The following ORC6 variants were observed in gnomAD, a reference collection of about 807,000 sequenced individuals.
ORC6 encodes origin recognition complex subunit 6.
ORC6 carries 31 observed loss-of-function variants against 30.0 expected under a neutral mutation model. The observed-to-expected ratio is 1.03, with a 90% confidence interval of 0.78 to 1.40. The LOEUF (loss-of-function observed/expected upper bound fraction) is 1.40. ORC6 is among the 40% of genes most tolerant of loss of function. ORC6 has a pLI of 0.00. For synonymous variants in ORC6, 136 were observed against 111.2 expected (o/e 1.22, Z -1.40); for missense variants, 340 against 304.3 (o/e 1.12, Z -0.87).
chr16:46,692,304 A>T (rs1966454970), intron 2 of ORC6, 78 bp from the exon 3 acceptor site: 7 of 1,212,384 alleles, frequency 5.8e-6, no homozygotes, highest in Non-Finnish European at 8.5e-6. Flanking sequence ...TATACTGCTT[A>T]TTAAACAAGT....
Position 46,691,079 on chromosome 16 carries a change from C to T in ORC6, c.154C>T (p.Leu52=). The T allele has an allele frequency of 1.2e-6, 2 of 1,614,218 alleles. No individual in the cohort carries two copies. Among genetic ancestry groups the T allele is most frequent in the South Asian group, 1.1e-5 (1 of 91,078 alleles). ...TTETSSAVMC[L]DLAASWMKCP... ...GGAGACCAGCAGTGCAGTCATGTGC[C>T]TGGACCTTGCAGCTTCCTGGATGAA... The change falls in exon 2 of 7, where the codon CTG becomes TTG. Residue 52 remains leucine, a synonymous_variant. Coordinates refer to ENST00000219097, the MANE Select transcript of ORC6 (RefSeq NM_014321.4).
intron 4 of ORC6, chr16:46,693,453 A>T: frequency 1.9e-6 from 1 of 518,432 alleles, no homozygotes; most frequent in Non-Finnish European, 3.5e-6. Flanking sequence ...GTAAGAGATG[A>T]TATCTGTCAT....
chr16:46,697,677 TATA>T lies in ORC6; in HGVS notation c.*97_*99del, dbSNP rs1401392848. 7.4e-7 allele frequency: 1 copy of T among 1,350,204 alleles called. No homozygotes were observed. The highest frequency in any genetic ancestry group is 1.7e-5 in the Admixed American group (1 of 59,184). The allele number at this position is 1,350,204 out of a possible 1,614,324, so 83.6% of individuals were successfully genotyped here. A position where few individuals can be genotyped will look rare whatever the true frequency, so the allele number is the denominator to read the frequency against. ...GGCTTTGGGATTTTGTTTAAACTTT[TATA>T]ATAAGGATCCTAAGACTGTTGCCTT... On this transcript the variant is annotated 3_prime_UTR_variant, in exon 7 of 7. Transcript: ENST00000219097.
At chr16:46,696,166 G>A (rs1966515820) in intron 6 of ORC6, 81 bp downstream of exon 6, 1 of 954,454 alleles carries the variant, frequency 1.0e-6, no homozygotes, top group South Asian at 1.3e-5. Context: ...TTGCCTGACA[G>A]GAGTCCAGTT....
intron 1 of ORC6, among the ~76,000 whole-genome samples, chr16:46,690,257 C>A (rs556641705): frequency 5.5e-4 from 84 of 152,294 alleles, no homozygotes; most frequent in African/African-American, 1.9e-3. Context: ...CCCGCTGAGG[C>A]CGGATTGATG....
chr16:46,695,632 C>G lies in ORC6; in HGVS notation c.520C>G (p.Arg174Gly), dbSNP rs748431795. ...CGGTGTAAAAAAAGCTATATTTGATCGACTGTGTAAACAACTAGAGAAGAT... is the reference window on the plus strand; with the variant it reads ...CGGTGTAAAAAAAGCTATATTTGATGGACTGTGTAAACAACTAGAGAAGAT... ...TSGVKKAIFD[R>G]LCKQLEKIGQ... is the part of the protein sequence containing the mutation. The change falls in exon 5 of 7, where the codon CGA (arginine) becomes GGA (glycine). Residue 174 changes from arginine to glycine, a missense_variant. By Grantham distance (125) the Arg-to-Gly change is moderately radical (BLOSUM62 -2). Transcript: ENST00000219097. 10 of 1,613,364 alleles carry G rather than the reference C, an allele frequency of 6.2e-6. No individual in the cohort carries two copies. Among genetic ancestry groups the G allele is most frequent in the Non-Finnish European group, 8.5e-6 (10 of 1,179,392 alleles).
chr16:46,689,893 G>C (rs763157653), intron 1 of ORC6, 123 bp downstream of exon 1: 4 of 1,409,996 alleles, frequency 2.8e-6, no homozygotes, highest in Admixed American at 5.8e-5. Flanking sequence ...CTGGGGCCGG[G>C]CGGGGTTTAG....
chr16:46,697,455 C>G lies in ORC6; in HGVS notation c.632-3C>G, dbSNP rs1469987017. On this transcript the variant is annotated splice_polypyrimidine_tract_variant and splice_region_variant and intron_variant, in intron 6 of 6. Transcript: ENST00000219097. The stretch of plus-strand genomic sequence containing the variant: ...GAAATTGCTTTTGATAATTTTCTGT[C>G]AGAAATGGAGAAGGTAGAGGAGATG... 1 of 1,610,666 alleles carries G rather than the reference C, an allele frequency of 6.2e-7. No homozygotes were observed. Among genetic ancestry groups the G allele is most frequent in the Non-Finnish European group, 8.5e-7 (1 of 1,177,528 alleles).
At chr16:46,690,916 C>G in intron 1 of ORC6, 75 bp from the exon 2 acceptor site, 1 of 1,498,432 alleles carries the variant, frequency 6.7e-7, no homozygotes, top group Non-Finnish European at 9.3e-7. Context: ...GCTAACCAGG[C>G]TGTATTCATT....
At position 46,691,008 on chromosome 16, in the gene ORC6, T is replaced by TG. The variant is rs762074627; in HGVS notation, c.84dup (p.Arg29AlafsTer42). ...TTAACCAGGAAAGCAGAGGAGTACTTGCGCCTGTCCCGGGTGAAGTGTGTC... is the reference window on the plus strand; with the variant it reads ...TTAACCAGGAAAGCAGAGGAGTACTTGGCGCCTGTCCCGGGTGAAGTGTGTC... On this transcript the variant is annotated frameshift_variant, in exon 2 of 7. Coordinates refer to ENST00000219097, the MANE Select transcript of ORC6 (RefSeq NM_014321.4). LOFTEE classifies it high-confidence loss of function. The TG allele has an allele frequency of 2.5e-6, 4 of 1,614,102 alleles. No homozygotes were observed. The highest frequency in any genetic ancestry group is 2.2e-5 in the East Asian group (1 of 44,894).
chr16:46,696,567 C>T (rs1966519476), intron 6 of ORC6, among the ~76,000 whole-genome samples: 1 of 152,202 alleles, frequency 6.6e-6, no homozygotes, highest in African/African-American at 2.4e-5. Flanking sequence ...CAAAGACAAT[C>T]TCAGGCAAAT....
rs1421953779 is a variant in ORC6 at position 46,694,466 on chromosome 16, G to A, written c.450-1096G>A. ...CAGAGGCGCCCCTCACCTCCCGGAC[G>A]GGGCGGCTGGCCGGGCGGGGGGGCT... On this transcript the variant is annotated intron_variant, in intron 4 of 6. Transcript: ENST00000219097. The A allele has an allele frequency of 6.3e-5, 9 of 141,880 alleles. No individual in the cohort carries two copies. In the East Asian group the frequency reaches 8.8e-4, roughly 14 times the overall value. 8.8% of individuals were successfully genotyped at this position (141,880 alleles called of 1,614,324 possible).
chr16:46,693,664 G>C (rs913139944), intron 4 of ORC6: 4 of 168,510 alleles, frequency 2.4e-5, no homozygotes, highest in African/African-American at 9.7e-5. Context: ...TTAGCTGGGT[G>C]TCAGCACATG....
chr16:46,696,914 C>G (rs1397270299), intron 6 of ORC6, among the ~76,000 whole-genome samples: 1 of 152,162 alleles, frequency 6.6e-6, no homozygotes, highest in East Asian at 1.9e-4. Flanking sequence ...CTTCACCTCC[C>G]AAAGTGCTGG....
chr16:46,690,898 A>T, intron 1 of ORC6, 93 bp from the exon 2 acceptor site: 3 of 1,321,828 alleles, frequency 2.3e-6, no homozygotes, highest in Non-Finnish European at 3.3e-6. Context: ...AGTTAGGCTT[A>T]GTGTGAAGCT....
chr16:46,691,956 A>ACTCTCTCTCTCTCT (rs779757463), intron 2 of ORC6, among the ~76,000 whole-genome samples: 2 of 4,848 alleles, frequency 4.1e-4, no homozygotes, highest in African/African-American at 4.2e-4. Context: ...ACACACACAC[A>ACTCTCTCTCTCTCT]CACTCTCTCT....
chr16:46,690,790 A>T (rs775150162), intron 1 of ORC6: 10 of 647,856 alleles, frequency 1.5e-5, no homozygotes, highest in Middle Eastern at 4.0e-4. Context: ...GCCTGAAAGC[A>T]TTTGAGCACA....
rs1469945036 is a variant in ORC6 at position 46,697,334 on chromosome 16, C to T, written c.632-124C>T. ...ACCCCATCTCAAAAAAAAGTGATAA[C>T]TGCTGTTTCTCCATGTCATTTCAGT... On this transcript the variant is annotated intron_variant, in intron 6 of 6. Coordinates refer to ENST00000219097, the MANE Select transcript of ORC6 (RefSeq NM_014321.4). 2.0e-5 allele frequency: 18 copies of T among 883,984 alleles called. No homozygotes were observed. In the Admixed American group the frequency reaches 4.3e-4, roughly 21 times the overall value. 54.8% of individuals were successfully genotyped at this position (883,984 alleles called of 1,614,324 possible). A position where few individuals can be genotyped will look rare whatever the true frequency, so the allele number is the denominator to read the frequency against.
chr16:46,690,129 G>T (rs1966416023), intron 1 of ORC6, among the ~76,000 whole-genome samples: 1 of 152,250 alleles, frequency 6.6e-6, no homozygotes, highest in Admixed American at 6.5e-5. Flanking sequence ...TAAGGGCGAG[G>T]ACTGTGTAGA....
Sources: allele counts gnomAD v4.1 joint callset (sites outside exome capture counted in the v4.1 genomes callset), GRCh38; gene constraint gnomAD v4.1.1; transcripts MANE v1.5; gene names NCBI Gene and HGNC (gene_info 2026-07-23, HGNC 2026-07-21).